Variants in TSPAN2 observed in about 807,000 individuals in gnomAD.
TSPAN2 encodes the protein tetraspanin-2.
In TSPAN2, 24 loss-of-function variants were observed where a neutral mutation model predicts 33.3. That is an observed-to-expected ratio of 0.72 (90% CI 0.52 to 1.01). The LOEUF (loss-of-function observed/expected upper bound fraction) is 1.01, where lower values mean the gene tolerates loss of function less well. Among genes scored for constraint, TSPAN2 ranks in the 50% least tolerant of loss-of-function variants. The pLI is 0.00. For synonymous variants in TSPAN2, 114 were observed against 104.5 expected (o/e 1.09, Z -0.56); for missense variants, 278 against 281.3 (o/e 0.99, Z 0.08).
At chr1:115,056,765 T>C (rs1384241155) in intron 6 of TSPAN2, among the ~76,000 whole-genome samples, 4 of 152,174 alleles carry the variant, frequency 2.6e-5, no homozygotes, top group Admixed American at 2.0e-4. Flanking sequence ...TGCAAGCTCC[T>C]TGTGAGTAGG....
At chr1:115,086,124 A>G (rs1648822756) in intron 1 of TSPAN2, among the ~76,000 whole-genome samples, 1 of 152,212 alleles carries the variant, frequency 6.6e-6, no homozygotes, top group South Asian at 2.1e-4. Context: ...AATGCTTCCT[A>G]TGTGCCGATA....
In TSPAN2 at chr1:115,053,905, A is replaced by G. The variant is rs1024357851; in HGVS notation, c.517-443T>C. On this transcript the variant is annotated intron_variant, in intron 6 of 7. Transcript: ENST00000369516. ...TTACTATGCAAAGTAGGCATGACCT[A>G]TTAAGAAACTAAAAAGTCTTAACAG... Among the ~76,000 whole-genome samples, 4 of 152,362 alleles carry G rather than the reference A, an allele frequency of 2.6e-5. No individual in the cohort carries two copies. In the East Asian group the frequency reaches 7.7e-4, roughly 29 times the overall value.
chr1:115,053,275 A>G, intron 7 of TSPAN2, 104 bp downstream of exon 7: 1 of 987,690 alleles, frequency 1.0e-6, no homozygotes, highest in Non-Finnish European at 1.5e-6. Flanking sequence ...TTTTTTCTTT[A>G]TGAGAATTCT....
intron 2 of TSPAN2, among the ~76,000 whole-genome samples, 161 bp downstream of exon 2, chr1:115,072,744 G>C (rs1359967064): frequency 6.6e-6 from 1 of 152,096 alleles, no homozygotes; most frequent in Non-Finnish European, 1.5e-5. Flanking sequence ...AACTCGGAGG[G>C]CTACACCAGT....
rs142925265 is a variant in TSPAN2 at position 115,066,561 on chromosome 1, C to T, written c.173-4329G>A. Among the ~76,000 whole-genome samples the T allele has an allele frequency of 4.1e-4, 62 of 152,304 alleles. 1 individual carries two copies. Among genetic ancestry groups the T allele is most frequent in the African/African-American group, 1.3e-3 (56 of 41,570 alleles). On this transcript the variant is annotated intron_variant, in intron 2 of 7. Coordinates refer to ENST00000369516, the MANE Select transcript of TSPAN2 (RefSeq NM_005725.6). Reference sequence around the variant, plus strand: ...ATAAAAATGAGAGAGAACCTCCTAACGGCCTACTGGGATAAACTCACTTAA... The same window carrying T: ...ATAAAAATGAGAGAGAACCTCCTAATGGCCTACTGGGATAAACTCACTTAA...
At chr1:115,079,134 GCGC>G (rs1178434122) in intron 1 of TSPAN2, among the ~76,000 whole-genome samples, 19 of 67,558 alleles carry the variant, frequency 2.8e-4, no homozygotes, top group African/African-American at 1.3e-3. Context: ...TACAATTATA[GCGC>G]CACACACACA....
At chr1:115,050,902 T>C (rs1228265836) in intron 7 of TSPAN2, among the ~76,000 whole-genome samples, 4 of 152,208 alleles carry the variant, frequency 2.6e-5, no homozygotes, top group Non-Finnish European at 5.9e-5. Context: ...CTTTTATATG[T>C]TTATTTTGAA....
At position 115,064,632 on chromosome 1, in the gene TSPAN2, G is replaced by C. The variant is rs1647868866; in HGVS notation, c.173-2400C>G. Among the ~76,000 whole-genome samples the C allele has an allele frequency of 2.0e-5, 3 of 152,328 alleles. 1 individual carries two copies. Among genetic ancestry groups the C allele is most frequent in the South Asian group, 4.1e-4 (2 of 4,824 alleles). ...CTGCACAAGGCAGAATTCTTAGTCA[G>C]TGTGCATTGGATTAGTAGATAAGAC... On this transcript the variant is annotated intron_variant, in intron 2 of 7. Coordinates refer to ENST00000369516, the MANE Select transcript of TSPAN2 (RefSeq NM_005725.6).
chr1:115,077,030 C>A (rs1439413050), intron 1 of TSPAN2, among the ~76,000 whole-genome samples: 1 of 151,940 alleles, frequency 6.6e-6, no homozygotes, highest in Non-Finnish European at 1.5e-5. Flanking sequence ...TAGCGATCCA[C>A]CACCTCAGCC....
intron 7 of TSPAN2, among the ~76,000 whole-genome samples, chr1:115,051,908 G>A (rs1428699242): frequency 6.6e-6 from 1 of 152,152 alleles, no homozygotes; most frequent in Non-Finnish European, 1.5e-5. Flanking sequence ...TGGGGGTGCC[G>A]ACTCAAGATA....
intron 2 of TSPAN2, among the ~76,000 whole-genome samples, chr1:115,064,453 T>G (rs1353670688): frequency 6.6e-6 from 1 of 152,206 alleles, no homozygotes; most frequent in South Asian, 2.1e-4. Context: ...TCCCCCAAAA[T>G]CTTTATCCAT....
chr1:115,077,392 A>C (rs1370973346), intron 1 of TSPAN2, among the ~76,000 whole-genome samples: 1 of 152,218 alleles, frequency 6.6e-6, no homozygotes, highest in Non-Finnish European at 1.5e-5. Flanking sequence ...AATAATTCCA[A>C]GTCATTAAAT....
chr1:115,050,195 GTTC>G lies in TSPAN2; in HGVS notation c.*292_*294del, dbSNP rs1675274997. 2.8e-6 allele frequency: 1 copy of G among 351,754 alleles called. No individual in the cohort carries two copies. Among genetic ancestry groups the G allele is most frequent in the East Asian group, 6.9e-5 (1 of 14,488 alleles). 21.8% of individuals were successfully genotyped at this position (351,754 alleles called of 1,614,324 possible). ...TTTTTTTCTGGGAGCGAAATAGGTT[GTTC>G]TTCTTATATAACAAGAATCAGGAAT... On this transcript the variant is annotated 3_prime_UTR_variant, in exon 8 of 8. Transcript: ENST00000369516.
chr1:115,050,776 G>T (rs933110791), intron 7 of TSPAN2, among the ~76,000 whole-genome samples: 2 of 152,056 alleles, frequency 1.3e-5, no homozygotes, highest in African/African-American at 2.4e-5. Context: ...AAGTAACAAG[G>T]CTCTGCTTTA....
intron 5 of TSPAN2, 126 bp downstream of exon 5, chr1:115,058,756 TA>T: frequency 1.2e-6 from 1 of 825,966 alleles, no homozygotes; most frequent in Non-Finnish European, 2.1e-6. Context: ...TCAAAAGGGC[TA>T]AAATAGGTGG....
At chr1:115,060,997 C>T (rs1373071313) in intron 3 of TSPAN2, among the ~76,000 whole-genome samples, 2 of 152,112 alleles carry the variant, frequency 1.3e-5, no homozygotes, top group Non-Finnish European at 2.9e-5. Flanking sequence ...ACTGGAGATT[C>T]TGTGGTCTGG....
intron 1 of TSPAN2, among the ~76,000 whole-genome samples, chr1:115,077,623 A>G (rs1648466669): frequency 6.6e-6 from 1 of 152,256 alleles, no homozygotes; most frequent in Non-Finnish European, 1.5e-5. Flanking sequence ...GTTTTCTTTA[A>G]TAATGGCTAT....
chr1:115,089,315 C>T (rs1320656057), intron 1 of TSPAN2, 49 bp downstream of exon 1: 12 of 1,435,410 alleles, frequency 8.4e-6, no homozygotes, highest in Non-Finnish European at 8.5e-6. Flanking sequence ...GCCCCGCGCC[C>T]GCCACCCGGC....
In TSPAN2 at chr1:115,050,477, T is replaced by C. The variant is rs575243719; in HGVS notation, c.*13A>G. 1 of 1,613,194 alleles carries C rather than the reference T, an allele frequency of 6.2e-7. No individual in the cohort carries two copies. The highest frequency in any genetic ancestry group is 8.5e-7 in the Non-Finnish European group (1 of 1,179,178). ...TGAAAGCTTTAGATTGCAATTTTCA[T>C]GTAGAAGTAGCTTCATATCACATCT... On this transcript the variant is annotated 3_prime_UTR_variant, in exon 8 of 8. Transcript: ENST00000369516.
Sources: gnomAD v4.1 joint callset for allele counts (sites outside exome capture counted in the v4.1 genomes callset) on GRCh38, gnomAD v4.1.1 for gene constraint, MANE v1.5 for transcripts, NCBI Gene and HGNC (gene_info 2026-07-23, HGNC 2026-07-21) for gene names.